TANGO2: variants seen among roughly 807,000 people sequenced by gnomAD.
The protein encoded by TANGO2 is transport and golgi organization 2 homolog, also known as transport and Golgi organization protein 2 homolog.
A neutral mutation model predicts 39.1 loss-of-function variants in TANGO2; 26 were observed. The observed-to-expected ratio is 0.67, with a 90% CI of 0.49 to 0.92. TANGO2 has a LOEUF of 0.92. TANGO2 is among the 40% of genes least tolerant of loss of function. TANGO2 has a pLI of 0.00. For missense variants in TANGO2, 326 were observed against 360.1 expected, an observed-to-expected ratio of 0.91 and a Z score of 0.77; for synonymous variants, 131 against 144.5, an observed-to-expected ratio of 0.91 and a Z score of 0.67.
intron 1 of TANGO2, among the ~76,000 whole-genome samples, chr22:20,032,428 C>T (rs1490675496): frequency 6.6e-6 from 1 of 152,268 alleles, no homozygotes; most frequent in Non-Finnish European, 1.5e-5. Flanking sequence ...TGCTTCTGGG[C>T]TGTGGCCTCT....
chr22:20,047,505 G>T (rs118008587), intron 3 of TANGO2, among the ~76,000 whole-genome samples: 2,446 of 152,252 alleles, frequency 0.016, 36 homozygotes, highest in South Asian at 0.035. Flanking sequence ...AAAATGCTGA[G>T]ATTAGAGGCG....
intron 8 of TANGO2, 78 bp from the exon 9 acceptor site, chr22:20,064,464 C>G: frequency 6.3e-7 from 1 of 1,580,454 alleles, no homozygotes. Context: ...TGCCTGCATT[C>G]TTGCCCTATT....
At position 20,065,009 on chromosome 22, in the gene TANGO2, C is replaced by G. The variant is rs415520; in HGVS notation, c.*347C>G. On this transcript the variant is annotated 3_prime_UTR_variant, in exon 9 of 9. Coordinates refer to ENST00000327374, the MANE Select transcript of TANGO2 (RefSeq NM_152906.7). ...GTGTGCACAAGCACACACATGCAAG[C>G]CATATACATGGACACCGACACAGGC... The G allele has an allele frequency of 0.43, 115,413 of 265,390 alleles. 26,453 individuals carry two copies. Among genetic ancestry groups the G allele is most frequent in the East Asian group, 0.72 (8,810 of 12,246 alleles). 16.4% of individuals were successfully genotyped at this position (265,390 alleles called of 1,614,324 possible). A position where few individuals can be genotyped will look rare whatever the true frequency, so the allele number is the denominator to read the frequency against.
intron 1 of TANGO2, among the ~76,000 whole-genome samples, chr22:20,028,019 G>A (rs992132114): frequency 3.3e-5 from 5 of 152,044 alleles, no homozygotes; most frequent in Admixed American, 3.3e-4. Flanking sequence ...GGCTGGTCTT[G>A]AATTCCTGAC....
At chr22:20,040,065 G>A (rs2043616916) in intron 2 of TANGO2, among the ~76,000 whole-genome samples, 1 of 152,110 alleles carries the variant, frequency 6.6e-6, no homozygotes, top group African/African-American at 2.4e-5. Flanking sequence ...CTACCCATGT[G>A]CAGCCCCACC....
chr22:20,032,023 C>G (rs752744731), intron 1 of TANGO2, among the ~76,000 whole-genome samples: 4 of 152,232 alleles, frequency 2.6e-5, no homozygotes, highest in Non-Finnish European at 5.9e-5. Flanking sequence ...CTTGCCCATC[C>G]CTGCCATGTG....
At chr22:20,031,071 A>C (rs1354529140) in intron 1 of TANGO2, among the ~76,000 whole-genome samples, 1 of 151,924 alleles carries the variant, frequency 6.6e-6, no homozygotes, top group Non-Finnish European at 1.5e-5. Context: ...GATGGCACGC[A>C]CCTCTAGTCC....
chr22:20,035,668 G>A (rs1047088864), intron 1 of TANGO2, among the ~76,000 whole-genome samples: 2 of 152,188 alleles, frequency 1.3e-5, no homozygotes, highest in African/African-American at 4.8e-5. Flanking sequence ...GGTCCTGTGG[G>A]ATGGCGAGTG....
chr22:20,055,921 A>G (rs371279505), intron 5 of TANGO2, 22 bp from the exon 6 acceptor site: 33 of 1,608,204 alleles, frequency 2.1e-5, no homozygotes, highest in Admixed American at 3.3e-5. Context: ...GTAGTCTGAC[A>G]TTCTCTCCCC....
At chr22:20,039,548 G>T (rs2043508170) in intron 2 of TANGO2, among the ~76,000 whole-genome samples, 3 of 151,962 alleles carry the variant, frequency 2.0e-5, no homozygotes, top group Non-Finnish European at 4.4e-5. Flanking sequence ...AGAATTGCTT[G>T]AGCCTGGGAG....
rs994297257 is a variant in TANGO2 at position 20,057,852 on chromosome 22, G to A, written c.451+1839G>A. Among the ~76,000 whole-genome samples, 15 of 152,130 alleles carry A rather than the reference G, an allele frequency of 9.9e-5. No homozygotes were observed. The highest frequency in any genetic ancestry group is 2.9e-4 in the African/African-American group (12 of 41,436). On this transcript the variant is annotated intron_variant, in intron 6 of 8. Transcript: ENST00000327374. This position sits in a 1 kb window ranked among gnomAD's most constrained non-coding sequence, Gnocchi z 4.1. ...TACCACCCCCTCACTGTGAACATTG[G>A]CCCAGCGGCCTCTGGGGCAGTCGCT...
At chr22:20,030,608 GTGC>G (rs34438319) in intron 1 of TANGO2, among the ~76,000 whole-genome samples, 4,448 of 152,206 alleles carry the variant, frequency 0.029, 104 homozygotes, top group South Asian at 0.079. Flanking sequence ...GCCTCCCAAA[GTGC>G]TGGAATTACA....
intron 3 of TANGO2, among the ~76,000 whole-genome samples, chr22:20,047,224 G>GTTTTTTTTTTTT (rs1241057513): frequency 6.9e-6 from 1 of 145,744 alleles, no homozygotes; most frequent in African/African-American, 2.5e-5. Flanking sequence ...CAGTTTTTTG[G>GTTTTTTTTTTTT]TTTGTTTGTT....
chr22:20,037,067 A>G (rs764674913), intron 2 of TANGO2: 2 of 1,535,842 alleles, frequency 1.3e-6, no homozygotes, highest in South Asian at 2.6e-5. Context: ...CAAAGACGTG[A>G]AGACTCAGCC....
At chr22:20,051,888 T>C (rs2046402145) in intron 3 of TANGO2, among the ~76,000 whole-genome samples, 1 of 152,112 alleles carries the variant, frequency 6.6e-6, no homozygotes, top group Non-Finnish European at 1.5e-5. Flanking sequence ...AAAAATAACA[T>C]CTTAATGACA....
At position 20,063,407 on chromosome 22, in the gene TANGO2, G is replaced by C; in HGVS notation, c.675G>C (p.Ala225=). ...EYVQPMLSKY[A]AVCVRCPGYG... ...TGCAGCCCATGCTGAGCAAGTACGC[G>C]GCTGTGTGCGTGCGCTGCCCTGGCT... Residue 225 remains alanine (A), a synonymous_variant, in exon 8 of 9, where the codon GCG becomes GCC. Transcript: ENST00000327374. 1 of 1,613,396 alleles carries C rather than the reference G, an allele frequency of 6.2e-7. No homozygotes were observed. Among genetic ancestry groups the C allele is most frequent in the South Asian group, 1.1e-5 (1 of 91,060 alleles).
intron 2 of TANGO2, among the ~76,000 whole-genome samples, chr22:20,040,626 C>A (rs1055387404): frequency 3.9e-5 from 6 of 152,224 alleles, no homozygotes; most frequent in African/African-American, 1.2e-4. Context: ...CGGTGTTCCC[C>A]CTTCTCCTGC....
At position 20,034,666 on chromosome 22, in the gene TANGO2, C is replaced by T. The variant is rs747316852; in HGVS notation, c.-39-2094C>T. On this transcript the variant is annotated intron_variant, in intron 1 of 8. Transcript: ENST00000327374. ...GGCTGCGGCTGTAGTTCATCTCTCCCTAAGCATCGCTCTTTGGAGTCCCAG... is the reference window on the plus strand; with the variant it reads ...GGCTGCGGCTGTAGTTCATCTCTCCTTAAGCATCGCTCTTTGGAGTCCCAG... 9.3e-4 allele frequency among the ~76,000 whole-genome samples: 141 copies of T among 152,310 alleles called. 1 individual carries two copies. The highest frequency in any genetic ancestry group is 3.4e-3 in the Middle Eastern group (1 of 294).
At chr22:20,043,003 C>G (rs1335972569) in intron 2 of TANGO2, among the ~76,000 whole-genome samples, 1 of 152,060 alleles carries the variant, frequency 6.6e-6, no homozygotes. Context: ...GACAGATGGA[C>G]AGAAGGAGGA....
Sources: allele counts gnomAD v4.1 joint callset (sites outside exome capture counted in the v4.1 genomes callset), GRCh38; gene constraint gnomAD v4.1.1; non-coding constraint Gnocchi (gnomAD v3.1); transcripts MANE v1.5; gene names NCBI Gene and HGNC (gene_info 2026-07-23, HGNC 2026-07-21).